MYH10: variants seen among roughly 807,000 people sequenced by gnomAD.
MYH10 encodes the protein myosin heavy chain 10.
MYH10 carries 55 observed loss-of-function variants against 257.8 expected under a neutral mutation model. That is an observed-to-expected ratio of 0.21 (90% CI 0.17 to 0.27). MYH10 has a LOEUF of 0.27. Among genes scored for constraint, MYH10 ranks in the 10% least tolerant of loss-of-function variants. The pLI is 1.00. For synonymous variants in MYH10, 854 were observed against 921.7 expected (o/e 0.93, Z 1.33); for missense variants, 1,631 against 2,500.6 (o/e 0.65, Z 7.42).
chr17:8,501,065 T>C, intron 28 of MYH10, 95 bp from the exon 29 acceptor site: 11 of 1,287,364 alleles, frequency 8.5e-6, no homozygotes, highest in Non-Finnish European at 9.6e-6. Context: ...TTTTAAATAT[T>C]ACATAAATTC....
At chr17:8,593,292 G>A (rs919081811) in intron 3 of MYH10, among the ~76,000 whole-genome samples, 2 of 151,852 alleles carry the variant, frequency 1.3e-5, no homozygotes, top group African/African-American at 4.8e-5. Flanking sequence ...AAGGATATTT[G>A]TTCTCACCAC....
At chr17:8,511,679 G>A (rs2081301706) in intron 24 of MYH10, among the ~76,000 whole-genome samples, 1 of 152,118 alleles carries the variant, frequency 6.6e-6, no homozygotes, top group South Asian at 2.1e-4. Flanking sequence ...GGCAAAAAAT[G>A]AGTGTTTTCT....
chr17:8,615,813 TAAAG>T (rs1426424680), intron 2 of MYH10, among the ~76,000 whole-genome samples: 1 of 152,178 alleles, frequency 6.6e-6, no homozygotes, highest in African/African-American at 2.4e-5. Flanking sequence ...CTTAATCTGA[TAAAG>T]AATCAGTATT....
chr17:8,504,788 C>T lies in MYH10; in HGVS notation c.3505G>A (p.Glu1169Lys). 2 of 1,614,186 alleles carry T rather than the reference C, an allele frequency of 1.2e-6. No individual in the cohort carries two copies. Among genetic ancestry groups the T allele is most frequent in the Non-Finnish European group, 1.7e-6 (2 of 1,180,042 alleles). Residue 1169 changes from glutamate to lysine, a missense_variant, in exon 28 of 43, where the codon GAA (glutamate) becomes AAA (lysine). Physicochemically the swap from Glu to Lys is moderately conservative, Grantham distance 56 (BLOSUM62 1). Coordinates refer to ENST00000360416, the MANE Select transcript of MYH10 (RefSeq NM_001256012.3). This position sits in a 1 kb window ranked among gnomAD's most constrained non-coding sequence, Gnocchi z 5.6. ...ESEKASRNKA[E>K]KQKRDLSEEL... ...TCACTCAAGTCCCTTTTCTGCTTTT[C>T]GGCCTTGTTCCGTGAAGCCTTCTCG...
intron 2 of MYH10, among the ~76,000 whole-genome samples, chr17:8,617,779 C>A (rs1036878240): frequency 6.6e-6 from 1 of 152,050 alleles, no homozygotes; most frequent in African/African-American, 2.4e-5. Context: ...TGATGGAATA[C>A]TATATTCCAA....
chr17:8,625,198 C>A (rs1010815444), intron 1 of MYH10, among the ~76,000 whole-genome samples: 1 of 152,194 alleles, frequency 6.6e-6, no homozygotes, highest in African/African-American at 2.4e-5. Flanking sequence ...TTGCAGTGAG[C>A]TGAGATCGTG....
chr17:8,569,856 A>C lies in MYH10; in HGVS notation c.664-44T>G. On this transcript the variant is annotated intron_variant, in intron 6 of 42. Coordinates refer to ENST00000360416, the MANE Select transcript of MYH10 (RefSeq NM_001256012.3). The surrounding 1 kb of genome is among the most constrained non-coding windows in gnomAD (Gnocchi z 4.1). ...ACACAAATAAAAGCAGATGTACGTT[A>C]ATCTAATGTCTTTACTCAAGTCATC... The C allele has an allele frequency of 7.0e-7, 1 of 1,424,482 alleles. No individual in the cohort carries two copies. The highest frequency in any genetic ancestry group is 9.7e-7 in the Non-Finnish European group (1 of 1,032,726). The allele number at this position is 1,424,482 out of a possible 1,614,324, so 88.2% of individuals were successfully genotyped here.
intron 2 of MYH10, among the ~76,000 whole-genome samples, chr17:8,609,684 G>A (rs1213919882): frequency 6.6e-6 from 1 of 151,922 alleles, no homozygotes; most frequent in East Asian, 1.9e-4. Context: ...GAAAATAAAG[G>A]GCAGAATGGA....
At chr17:8,618,534 T>C (rs2085349950) in intron 2 of MYH10, among the ~76,000 whole-genome samples, 1 of 152,234 alleles carries the variant, frequency 6.6e-6, no homozygotes, top group Non-Finnish European at 1.5e-5. Context: ...TCACTGCGAC[T>C]GGCCAACAAG....
At chr17:8,595,311 G>A (rs1011748546) in intron 3 of MYH10, among the ~76,000 whole-genome samples, 2 of 151,668 alleles carry the variant, frequency 1.3e-5, no homozygotes, top group Non-Finnish European at 2.9e-5. Flanking sequence ...TTATGAAATC[G>A]CCATTTCACT....
At chr17:8,576,602 GCAAA>G in intron 6 of MYH10, 37 bp downstream of exon 6, 1 of 1,536,262 alleles carries the variant, frequency 6.5e-7, no homozygotes, top group Admixed American at 2.0e-5. Context: ...AGAAATTAGT[GCAAA>G]CACTCAAGAC....
chr17:8,477,134 C>T lies in MYH10; in HGVS notation c.5707-86G>A. ...GTACCCCGAGCGTGGCAGTGTGGGG[C>T]TCTGCCTGTTACCCTTGTGAGCACG... On this transcript the variant is annotated intron_variant, in intron 41 of 42. Transcript: ENST00000360416. The surrounding 1 kb of genome is among the most constrained non-coding windows in gnomAD (Gnocchi z 4.2). 2.0e-6 allele frequency: 3 copies of T among 1,491,862 alleles called. No homozygotes were observed. The highest frequency in any genetic ancestry group is 2.4e-5 in the South Asian group (2 of 84,026). The allele number at this position is 1,491,862 out of a possible 1,614,324, so 92.4% of individuals were successfully genotyped here.
rs1165145854 is a variant in MYH10 at position 8,518,682 on chromosome 17, G to A, written c.2453C>T (p.Thr818Ile). ...GGCCTGGAAGAAGATAATGATATCG[G>A]TGATTTTTAAATCTCTTTCTTCCTC... ...HLEEERDLKI[T>I]DIIIFFQAVC... The change falls in exon 21 of 43, where the codon ACC (threonine) becomes ATC (isoleucine). Residue 818 changes from threonine to isoleucine, a missense_variant. Coordinates refer to ENST00000360416, the MANE Select transcript of MYH10 (RefSeq NM_001256012.3). 1.2e-6 allele frequency: 2 copies of A among 1,614,154 alleles called. No individual in the cohort carries two copies. Among genetic ancestry groups the A allele is most frequent in the Non-Finnish European group, 1.7e-6 (2 of 1,179,986 alleles).
At chr17:8,564,886 T>C (rs2083114439) in intron 7 of MYH10, among the ~76,000 whole-genome samples, 1 of 152,068 alleles carries the variant, frequency 6.6e-6, no homozygotes, top group African/African-American at 2.4e-5. Flanking sequence ...ATAGAAGAAA[T>C]ATCCTCAGAT....
chr17:8,478,357 G>A lies in MYH10; in HGVS notation c.5687C>T (p.Ala1896Val), dbSNP rs1159866671. The A allele has an allele frequency of 3.7e-6, 6 of 1,613,910 alleles. No individual in the cohort carries two copies. Among genetic ancestry groups the A allele is most frequent in the South Asian group, 2.2e-5 (2 of 91,072 alleles). ...FMQVEDERRH[A>V]DQYKEQMEKA... is the part of the protein sequence containing the mutation. The stretch of plus-strand genomic sequence containing the variant: ...GCGTACCTGCTCTTTATACTGGTCC[G>A]CGTGTCGACGCTCATCCTCAACCTG... The change falls in exon 41 of 43, where the codon GCG becomes GTG. Residue 1896 changes from alanine to valine, a missense_variant. By Grantham distance (64) the Ala-to-Val change is moderately conservative (BLOSUM62 0). Transcript: ENST00000360416.
intron 35 of MYH10, among the ~76,000 whole-genome samples, chr17:8,488,330 G>A (rs893782388): frequency 1.1e-4 from 16 of 152,076 alleles, no homozygotes; most frequent in Non-Finnish European, 2.1e-4. Flanking sequence ...AAATCCTAAC[G>A]CCTCTGTCAC....
intron 25 of MYH10, among the ~76,000 whole-genome samples, chr17:8,509,146 T>G (rs1192453017): frequency 6.6e-6 from 1 of 152,162 alleles, no homozygotes; most frequent in Non-Finnish European, 1.5e-5. Flanking sequence ...TTACCGTACC[T>G]TTTCTATCAT....
intron 3 of MYH10, among the ~76,000 whole-genome samples, chr17:8,600,658 G>T (rs1039327604): frequency 3.3e-5 from 5 of 152,142 alleles, no homozygotes; most frequent in African/African-American, 1.2e-4. Flanking sequence ...AACGTGCTGG[G>T]GCCCATCATG....
intron 30 of MYH10, among the ~76,000 whole-genome samples, chr17:8,497,980 CTT>C (rs71159593): frequency 1.9e-5 from 2 of 103,424 alleles, no homozygotes; most frequent in Admixed American, 1.4e-4. Context: ...AATACTATGC[CTT>C]TTTTTTTTTT....
Sources: gnomAD v4.1 joint callset for allele counts (sites outside exome capture counted in the v4.1 genomes callset) on GRCh38, gnomAD v4.1.1 for gene constraint, Gnocchi (gnomAD v3.1) non-coding constraint, MANE v1.5 for transcripts, NCBI Gene and HGNC (gene_info 2026-07-23, HGNC 2026-07-21) for gene names.